IQGAP2: variants seen among roughly 807,000 people sequenced by gnomAD.
IQGAP2 encodes the protein IQ motif containing GTPase activating protein 2, also known as ras GTPase-activating-like protein IQGAP2.
Under a neutral mutation model 201.3 loss-of-function variants are expected in IQGAP2, and 173 were observed. That is an observed-to-expected ratio of 0.86 (90% CI 0.76 to 0.98). The LOEUF (loss-of-function observed/expected upper bound fraction) is 0.98. IQGAP2 is among the 50% of genes least tolerant of loss of function. IQGAP2 has a pLI of 0.00. For missense variants in IQGAP2, 1,687 were observed against 1,864.8 expected (o/e 0.90, Z 1.76); for synonymous variants, 675 against 673.9 (o/e 1.00, Z -0.03).
Position 76,403,379 on chromosome 5 carries a change from T to C in IQGAP2, c.-167T>C. On this transcript the variant is annotated 5_prime_UTR_variant, in exon 1 of 36. Coordinates refer to ENST00000274364, the MANE Select transcript of IQGAP2 (RefSeq NM_006633.5). The surrounding 1 kb of genome is among the most constrained non-coding windows in gnomAD (Gnocchi z 4.8). ...TCAGCGCGCGGCGGCCGTGGCTGGC[T>C]CTGGCGAGAGAGCACCGAGGGAGTG... 4.5e-6 allele frequency: 2 copies of C among 448,436 alleles called. No homozygotes were observed. The highest frequency in any genetic ancestry group is 3.7e-6 in the Non-Finnish European group (1 of 268,286). 27.8% of individuals were successfully genotyped at this position (448,436 alleles called of 1,614,324 possible). A position where few individuals can be genotyped will look rare whatever the true frequency, so the allele number is the denominator to read the frequency against.
intron 2 of IQGAP2, among the ~76,000 whole-genome samples, chr5:76,555,444 A>G (rs1743874733): frequency 6.6e-6 from 1 of 152,208 alleles, no homozygotes; most frequent in African/African-American, 2.4e-5. Flanking sequence ...ATAGCTGGTG[A>G]TCACAGAGCC....
At chr5:76,550,278 A>T (rs1411873192) in intron 2 of IQGAP2, among the ~76,000 whole-genome samples, 2 of 152,128 alleles carry the variant, frequency 1.3e-5, no homozygotes, top group Non-Finnish European at 2.9e-5. Context: ...AATTATGTTC[A>T]ATTTTAAGGC....
At chr5:76,474,144 T>G (rs1403494378) in intron 2 of IQGAP2, among the ~76,000 whole-genome samples, 1 of 152,186 alleles carries the variant, frequency 6.6e-6, no homozygotes, top group Non-Finnish European at 1.5e-5. Context: ...GCTCAGAAAT[T>G]TATCTCACTT....
At chr5:76,509,070 T>A (rs1757799256) in intron 2 of IQGAP2, among the ~76,000 whole-genome samples, 1 of 150,716 alleles carries the variant, frequency 6.6e-6, no homozygotes, top group South Asian at 2.1e-4. Flanking sequence ...TGTATGTATG[T>A]GTGTGCATGC....
At chr5:76,480,340 C>T (rs897716413) in intron 2 of IQGAP2, among the ~76,000 whole-genome samples, 1 of 152,198 alleles carries the variant, frequency 6.6e-6, no homozygotes, top group African/African-American at 2.4e-5. Flanking sequence ...TTCTTTCTCG[C>T]AGCCATACTT....
intron 12 of IQGAP2, chr5:76,608,006 A>G (rs77212759): frequency 6.4e-4 from 98 of 152,358 alleles, no homozygotes; most frequent in African/African-American, 2.3e-3. Flanking sequence ...GAAAGATTGT[A>G]GGGTTGACAT....
chr5:76,560,449 G>T (rs981438654), intron 2 of IQGAP2, among the ~76,000 whole-genome samples: 1 of 151,854 alleles, frequency 6.6e-6, no homozygotes, highest in Non-Finnish European at 1.5e-5. Flanking sequence ...GAGCCATAGC[G>T]CCCAGTGTAA....
intron 1 of IQGAP2, among the ~76,000 whole-genome samples, chr5:76,457,727 C>G (rs1338753226): frequency 6.6e-6 from 1 of 152,148 alleles, no homozygotes; most frequent in Non-Finnish European, 1.5e-5. Context: ...GAAATGGACT[C>G]CTAAAGGACC....
At chr5:76,541,394 G>A (rs2150220169) in intron 2 of IQGAP2, among the ~76,000 whole-genome samples, 1 of 152,282 alleles carries the variant, frequency 6.6e-6, no homozygotes, top group Non-Finnish European at 1.5e-5. Flanking sequence ...ACTTTGTATT[G>A]TATGGATATA....
At chr5:76,584,263 A>C (rs111863881) in intron 5 of IQGAP2, among the ~76,000 whole-genome samples, 2 of 152,220 alleles carry the variant, frequency 1.3e-5, no homozygotes, top group Non-Finnish European at 1.5e-5. Flanking sequence ...CAGTTGCATC[A>C]AGATCATTGA....
intron 2 of IQGAP2, among the ~76,000 whole-genome samples, chr5:76,512,825 G>C (rs1758060797): frequency 6.6e-6 from 1 of 152,224 alleles, no homozygotes; most frequent in South Asian, 2.1e-4. Flanking sequence ...GGGAGGCCGA[G>C]GCAGGCAGAT....
chr5:76,475,422 T>C (rs1039727686), intron 2 of IQGAP2, among the ~76,000 whole-genome samples: 1 of 152,220 alleles, frequency 6.6e-6, no homozygotes, highest in Non-Finnish European at 1.5e-5. Context: ...GCTCAGACAC[T>C]GATGCCCCAA....
chr5:76,683,114 G>T lies in IQGAP2; in HGVS notation c.3661-1G>T. The T allele has an allele frequency of 6.3e-7, 1 of 1,591,416 alleles. No individual in the cohort carries two copies. Among genetic ancestry groups the T allele is most frequent in the Non-Finnish European group, 8.6e-7 (1 of 1,163,000 alleles). ...GTGTGTGTGTTGCTTTCTACATAAA[G>T]CTCCTGTTGGAACACCAGGATGCAA... On this transcript the variant is annotated splice_acceptor_variant, in intron 28 of 35. Transcript: ENST00000274364. LOFTEE classifies it high-confidence loss of function.
chr5:76,474,342 T>C (rs1178329728), intron 2 of IQGAP2, among the ~76,000 whole-genome samples: 2 of 152,178 alleles, frequency 1.3e-5, no homozygotes, highest in Non-Finnish European at 2.9e-5. Flanking sequence ...AATATAAACA[T>C]GAATATTAAA....
chr5:76,507,092 T>C (rs189184665), intron 2 of IQGAP2, among the ~76,000 whole-genome samples: 123 of 152,338 alleles, frequency 8.1e-4, no homozygotes, highest in Non-Finnish European at 1.3e-3. Flanking sequence ...GTTGGAGAAC[T>C]GTTGCTATCT....
intron 21 of IQGAP2, among the ~76,000 whole-genome samples, chr5:76,664,783 A>C (rs1313585450): frequency 6.6e-6 from 1 of 152,244 alleles, no homozygotes; most frequent in African/African-American, 2.4e-5. Flanking sequence ...TGACACAGAG[A>C]CACAAAGTAA....
At chr5:76,656,116 T>C (rs979709634) in intron 20 of IQGAP2, among the ~76,000 whole-genome samples, 3 of 152,256 alleles carry the variant, frequency 2.0e-5, no homozygotes, top group African/African-American at 7.2e-5. Flanking sequence ...CTGCAGAATC[T>C]ACTGAATAAT....
chr5:76,461,578 G>C lies in IQGAP2; in HGVS notation c.55G>C (p.Asp19His), dbSNP rs1295638643. The change falls in exon 2 of 36, where the codon GAC becomes CAC. Residue 19 changes from aspartate (D) to histidine (H), a missense_variant. Transcript: ENST00000274364. ...TTATCCTCTATTTCTAGCTATTGTG[G>C]ACGATGAAAGGCTCTCTGCAGAGGA... ...LQRPRYGSIV[D>H]DERLSAEEMD... is the part of the protein sequence containing the mutation. 6.2e-7 allele frequency: 1 copy of C among 1,612,342 alleles called. No individual in the cohort carries two copies. Among genetic ancestry groups the C allele is most frequent in the Non-Finnish European group, 8.5e-7 (1 of 1,178,532 alleles).
chr5:76,545,731 G>C (rs1240303778), intron 2 of IQGAP2, among the ~76,000 whole-genome samples: 2 of 152,148 alleles, frequency 1.3e-5, no homozygotes, highest in Admixed American at 1.3e-4. Context: ...GAAAATACTT[G>C]AAGCAATCTT....
Sources: gnomAD v4.1 joint callset for allele counts (sites outside exome capture counted in the v4.1 genomes callset) on GRCh38, gnomAD v4.1.1 for gene constraint, Gnocchi (gnomAD v3.1) non-coding constraint, MANE v1.5 for transcripts, NCBI Gene and HGNC (gene_info 2026-07-23, HGNC 2026-07-21) for gene names.